JMY: variants seen among roughly 807,000 people sequenced by gnomAD.
JMY encodes junction mediating and regulatory protein, p53 cofactor, also known as junction-mediating and -regulatory protein.
In JMY, 46 loss-of-function variants were observed where a neutral mutation model predicts 103.3. That is an observed-to-expected ratio of 0.45 (90% CI 0.35 to 0.57). The LOEUF (loss-of-function observed/expected upper bound fraction) is 0.57, where lower values mean the gene tolerates loss of function less well. JMY is among the 20% of genes least tolerant of loss of function. The pLI is 0.00. For synonymous variants in JMY, 526 were observed against 489.3 expected (o/e 1.07, Z -0.99); for missense variants, 1,238 against 1,255.2 (o/e 0.99, Z 0.21).
At position 79,314,676 on chromosome 5, in the gene JMY, TGCTAAG is replaced by T. The variant is rs1258015130; in HGVS notation, c.2486_2491del (p.Ala829_Lys830del). The T allele has an allele frequency of 2.9e-6, 4 of 1,397,324 alleles. No individual in the cohort carries two copies. The East Asian group carries it at 1.6e-4, about 56-fold the overall frequency. The allele number at this position is 1,397,324 out of a possible 1,614,324, so 86.6% of individuals were successfully genotyped here. ...CCCCACCACCACCACCTCTGCCTGT[TGCTAAG>T]GACAGTGGCCCAGAGACACTGGAGA... On this transcript the variant is annotated inframe_deletion, in exon 9 of 11. Transcript: ENST00000396137.
Position 79,324,856 on chromosome 5 carries a change from C to G in JMY, c.*3254C>G, listed in dbSNP as rs1747581168. ...GAAATGTAGAGCTTTTCTCATAACA[C>G]AAAACCAGAAAATAATTTTCAGCAC... is the stretch of plus-strand genomic sequence containing the variant. On this transcript the variant is annotated 3_prime_UTR_variant, in exon 11 of 11. Transcript: ENST00000396137. The G allele has an allele frequency of 6.6e-6, 1 of 152,526 alleles. No homozygotes were observed. Among genetic ancestry groups the G allele is most frequent in the African/African-American group, 2.4e-5 (1 of 41,442 alleles). The allele number at this position is 152,526 out of a possible 1,614,324, so 9.4% of individuals were successfully genotyped here.
intron 1 of JMY, among the ~76,000 whole-genome samples, chr5:79,240,212 T>C (rs1032119144): frequency 2.6e-5 from 4 of 151,842 alleles, no homozygotes; most frequent in Admixed American, 6.6e-5. Context: ...GATGGGGTTT[T>C]ACCATGTTGG....
chr5:79,242,783 C>CTT (rs71615514), intron 1 of JMY, among the ~76,000 whole-genome samples: 33 of 140,676 alleles, frequency 2.3e-4, no homozygotes, highest in East Asian at 6.2e-4. Context: ...TCAATAATGA[C>CTT]TTTTTTTTTT....
chr5:79,262,414 T>G (rs1037642946), intron 1 of JMY, among the ~76,000 whole-genome samples: 32 of 152,346 alleles, frequency 2.1e-4, no homozygotes, highest in African/African-American at 6.3e-4. Flanking sequence ...TTGTCAGTTT[T>G]TAGTTAGCAA....
chr5:79,237,536 G>A lies in JMY; in HGVS notation c.886G>A (p.Gly296Ser). ...CYQLQVYLGH[G>S]LDTCGWKILS... ...CCAGCTCCAGGTCTACCTGGGCCAC[G>A]GCCTGGACACCTGCGGCTGGAAGAT... The change falls in exon 1 of 11, where the codon GGC (glycine) becomes AGC (serine). Residue 296 changes from glycine (G) to serine (S), a missense_variant. Transcript: ENST00000396137. 6.2e-7 allele frequency: 1 copy of A among 1,613,722 alleles called. No homozygotes were observed. Among genetic ancestry groups the A allele is most frequent in the Non-Finnish European group, 8.5e-7 (1 of 1,180,020 alleles).
intron 6 of JMY, 128 bp downstream of exon 6, chr5:79,300,991 G>A: frequency 1.4e-6 from 1 of 696,996 alleles, no homozygotes; most frequent in Non-Finnish European, 2.3e-6. Context: ...AGTGCTCAAT[G>A]CGTTTATAGT....
intron 10 of JMY, among the ~76,000 whole-genome samples, chr5:79,316,641 C>T (rs540960645): frequency 5.9e-5 from 9 of 152,158 alleles, no homozygotes; most frequent in East Asian, 5.8e-4. Context: ...CACAGTGGCT[C>T]ACACCTGTAG....
chr5:79,258,614 C>T (rs1013575374), intron 1 of JMY, among the ~76,000 whole-genome samples: 1 of 152,044 alleles, frequency 6.6e-6, no homozygotes, highest in African/African-American at 2.4e-5. Flanking sequence ...GGTGGTGGGG[C>T]GGGCAGCTCC....
chr5:79,294,014 G>C (rs1746498063), intron 4 of JMY, among the ~76,000 whole-genome samples: 1 of 152,194 alleles, frequency 6.6e-6, no homozygotes, highest in Non-Finnish European at 1.5e-5. Flanking sequence ...TAGGAGTAGA[G>C]TATATGCTGG....
At chr5:79,318,048 G>T (rs751272344) in intron 10 of JMY, among the ~76,000 whole-genome samples, 1 of 152,132 alleles carries the variant, frequency 6.6e-6, no homozygotes, top group African/African-American at 2.4e-5. Flanking sequence ...CTCACCCAGG[G>T]TGGAGTGCAG....
intron 3 of JMY, among the ~76,000 whole-genome samples, chr5:79,290,773 G>A (rs553642817): frequency 6.6e-6 from 1 of 152,236 alleles, no homozygotes; most frequent in East Asian, 1.9e-4. Flanking sequence ...GGATCACAAG[G>A]TCAAGAGTTC....
In JMY at chr5:79,291,239, G is replaced by A. The variant is rs1746411859; in HGVS notation, c.1467G>A (p.Leu489=). 4 of 1,613,130 alleles carry A rather than the reference G, an allele frequency of 2.5e-6. No individual in the cohort carries two copies. The highest frequency in any genetic ancestry group is 3.4e-6 in the Non-Finnish European group (4 of 1,179,628). The change falls in exon 4 of 11, where the codon TTG becomes TTA. Residue 489 remains leucine (L), a synonymous_variant. Coordinates refer to ENST00000396137, the MANE Select transcript of JMY (RefSeq NM_152405.5). Reference sequence around the variant, plus strand: ...AGTATGCAGTTTCTAAGGAAACTTTGCAGATGATGAGAGCTAAAGAGATAT... The same window carrying A: ...AGTATGCAGTTTCTAAGGAAACTTTACAGATGATGAGAGCTAAAGAGATAT... ...KLQYAVSKET[L]QMMRAKEICL... is the part of the protein sequence containing the mutation.
chr5:79,326,133 C>T lies in JMY; in HGVS notation c.*4531C>T, dbSNP rs1747636142. The T allele has an allele frequency of 6.6e-6, 1 of 152,106 alleles. No individual in the cohort carries two copies. Among genetic ancestry groups the T allele is most frequent in the Non-Finnish European group, 1.5e-5 (1 of 68,020 alleles). 9.4% of individuals were successfully genotyped at this position (152,106 alleles called of 1,614,324 possible). A position where few individuals can be genotyped will look rare whatever the true frequency, so the allele number is the denominator to read the frequency against. On this transcript the variant is annotated 3_prime_UTR_variant, in exon 11 of 11. Coordinates refer to ENST00000396137, the MANE Select transcript of JMY (RefSeq NM_152405.5). ...AATAACTGATGAATGTTATTTCACA[C>T]TGAATCTCAAAGCAGTCATTTGTTT... is the stretch of plus-strand genomic sequence containing the variant.
chr5:79,270,634 C>T lies in JMY; in HGVS notation c.1033-7276C>T, dbSNP rs181520248. Among the ~76,000 whole-genome samples, 294 of 135,212 alleles carry T rather than the reference C, an allele frequency of 2.2e-3. 13 individuals carry two copies. Among genetic ancestry groups the T allele is most frequent in the African/African-American group, 8.4e-3 (275 of 32,760 alleles). The allele number at this position is 135,212 out of a possible 152,430, so 88.7% of individuals were successfully genotyped here. ...TAAATGTTTATATAAAATATATTTA[C>T]ATAAATATTTATATAAAATATATAT... On this transcript the variant is annotated intron_variant, in intron 1 of 10. Transcript: ENST00000396137.
At chr5:79,285,612 G>A (rs1361528918) in intron 2 of JMY, among the ~76,000 whole-genome samples, 2 of 150,066 alleles carry the variant, frequency 1.3e-5, no homozygotes, top group Non-Finnish European at 3.0e-5. Context: ...TTAGCTATAA[G>A]AATCTCTCAA....
At chr5:79,244,283 G>T (rs1352133733) in intron 1 of JMY, among the ~76,000 whole-genome samples, 1 of 152,168 alleles carries the variant, frequency 6.6e-6, no homozygotes, top group Admixed American at 6.5e-5. Context: ...TTACAAGCAT[G>T]AGCCACCACG....
chr5:79,253,140 A>G (rs1460962027), intron 1 of JMY, among the ~76,000 whole-genome samples: 3 of 152,122 alleles, frequency 2.0e-5, no homozygotes, highest in Non-Finnish European at 4.4e-5. Context: ...ATGACCCAGT[A>G]TTTTAAGCTG....
Position 79,278,071 on chromosome 5 carries a change from A to G in JMY, c.1194A>G (p.Arg398=), listed in dbSNP as rs1486622867. 6.2e-7 allele frequency: 1 copy of G among 1,611,854 alleles called. No individual in the cohort carries two copies. The highest frequency in any genetic ancestry group is 8.5e-7 in the Non-Finnish European group (1 of 1,178,514). ...TGAGAGAACTTGCCATGCTACGAAG[A>G]CAGCAGATCAAGGTATTTTTTTATT... ...RDMRELAMLR[R]QQIKISMEND... The change falls in exon 2 of 11, where the codon AGA becomes AGG. Residue 398 remains arginine (R), a synonymous_variant. Transcript: ENST00000396137.
In JMY at chr5:79,300,762, T is replaced by G; in HGVS notation, c.1780T>G (p.Leu594Val). Residue 594 changes from leucine (L) to valine (V), a missense_variant, in exon 6 of 11, where the codon TTA becomes GTA. Leu to Val is a conservative substitution (Grantham distance 32, BLOSUM62 1). Coordinates refer to ENST00000396137, the MANE Select transcript of JMY (RefSeq NM_152405.5). ...GGAAGAGATGGCAGCATCTGCGTAC[T>G]TACAGAGAGAAGAGCTGCAGAAACT... ...EKEEMAASAY[L>V]QREELQKLQQ... 2 of 1,612,588 alleles carry G rather than the reference T, an allele frequency of 1.2e-6. No individual in the cohort carries two copies. The highest frequency in any genetic ancestry group is 2.2e-5 in the South Asian group (2 of 90,740).
Sources: allele counts gnomAD v4.1 joint callset (sites outside exome capture counted in the v4.1 genomes callset), GRCh38; gene constraint gnomAD v4.1.1; transcripts MANE v1.5; gene names NCBI Gene and HGNC (gene_info 2026-07-23, HGNC 2026-07-21).